AMPH: variants seen among roughly 807,000 people sequenced by gnomAD.
AMPH encodes amphiphysin (Stiff-Mann syndrome with breast cancer 128kD autoantigen).
A neutral mutation model predicts 99.1 loss-of-function variants in AMPH; 49 were observed. That is an observed-to-expected ratio of 0.49 (90% confidence interval 0.39 to 0.63). AMPH has a LOEUF of 0.63. Among genes scored for constraint, AMPH ranks in the 20% least tolerant of loss-of-function variants. The probability of loss-of-function intolerance (pLI) is 0.00; values close to 1 mark genes in which losing one functional copy is unlikely to be tolerated. For synonymous variants in AMPH, 314 were observed against 317.3 expected (o/e 0.99, Z 0.11); for missense variants, 759 against 863.4 (o/e 0.88, Z 1.52).
chr7:38,536,347 A>G (rs1562813751), intron 1 of AMPH, among the ~76,000 whole-genome samples: 2 of 152,226 alleles, frequency 1.3e-5, no homozygotes, highest in Non-Finnish European at 2.9e-5. Flanking sequence ...AGACATTTTC[A>G]TAGCTCGTAT....
chr7:38,397,851 C>A (rs2128977784), intron 17 of AMPH, among the ~76,000 whole-genome samples: 1 of 152,152 alleles, frequency 6.6e-6, no homozygotes, highest in South Asian at 2.1e-4. Context: ...GGCAAAAGAT[C>A]TGAATAGACA....
intron 20 of AMPH, among the ~76,000 whole-genome samples, chr7:38,387,048 A>C (rs1482762310): frequency 6.6e-6 from 1 of 152,232 alleles, no homozygotes; most frequent in African/African-American, 2.4e-5. Flanking sequence ...CTGACCCCCA[A>C]GCTGTGCATG....
intron 1 of AMPH, among the ~76,000 whole-genome samples, chr7:38,601,585 C>T (rs1362164561): frequency 1.3e-5 from 2 of 152,118 alleles, no homozygotes; most frequent in African/African-American, 2.4e-5. Flanking sequence ...TCAAGCCCTC[C>T]CAGTATCTAT....
chr7:38,506,075 C>T (rs976227220), intron 2 of AMPH, among the ~76,000 whole-genome samples: 2 of 152,192 alleles, frequency 1.3e-5, no homozygotes, highest in Admixed American at 6.5e-5. Flanking sequence ...TTCCTCTCCC[C>T]ATACAGAATT....
chr7:38,435,431 T>G (rs529259689), intron 12 of AMPH, among the ~76,000 whole-genome samples: 1 of 152,380 alleles, frequency 6.6e-6, no homozygotes, highest in Admixed American at 6.5e-5. Flanking sequence ...ATTCTTGTAC[T>G]AATTCATTTG....
intron 17 of AMPH, among the ~76,000 whole-genome samples, chr7:38,399,325 T>C (rs1010187236): frequency 5.9e-5 from 9 of 152,356 alleles, no homozygotes; most frequent in Middle Eastern, 3.4e-3. Flanking sequence ...TTTCTGACAC[T>C]AGTCTGATGA....
At chr7:38,457,203 T>C (rs1787268317) in intron 11 of AMPH, among the ~76,000 whole-genome samples, 3 of 151,964 alleles carry the variant, frequency 2.0e-5, no homozygotes, top group Admixed American at 2.0e-4. Flanking sequence ...AACAGAATCA[T>C]AAAACAGCAA....
At chr7:38,527,591 T>C (rs974491440) in intron 2 of AMPH, among the ~76,000 whole-genome samples, 2 of 152,196 alleles carry the variant, frequency 1.3e-5, no homozygotes, top group African/African-American at 2.4e-5. Context: ...GTGTTGATCT[T>C]ATATCTTGTG....
intron 16 of AMPH, 22 bp from the exon 17 acceptor site, chr7:38,417,972 GT>G (rs1179372793): frequency 1.7e-5 from 28 of 1,606,648 alleles, no homozygotes; most frequent in Non-Finnish European, 2.2e-5. Flanking sequence ...TGTTTTGAGG[GT>G]TAGAGGAAAA....
chr7:38,480,707 T>C (rs542857701), intron 5 of AMPH, among the ~76,000 whole-genome samples: 1 of 152,248 alleles, frequency 6.6e-6, no homozygotes, highest in East Asian at 1.9e-4. Flanking sequence ...GTGGAAACCC[T>C]TCAATTAGGT....
chr7:38,561,689 C>A (rs139255706), intron 1 of AMPH, among the ~76,000 whole-genome samples: 467 of 152,276 alleles, frequency 3.1e-3, no homozygotes, highest in Admixed American at 5.0e-3. Flanking sequence ...AAACCCTAAT[C>A]TTCAATGCCA....
intron 19 of AMPH, among the ~76,000 whole-genome samples, chr7:38,390,709 A>C (rs1422054147): frequency 6.6e-6 from 1 of 152,206 alleles, no homozygotes; most frequent in African/African-American, 2.4e-5. Context: ...GAGGGTCTAT[A>C]TGGGGTGCCT....
chr7:38,566,636 G>C (rs909100744), intron 1 of AMPH, among the ~76,000 whole-genome samples: 2 of 152,074 alleles, frequency 1.3e-5, no homozygotes, highest in Non-Finnish European at 2.9e-5. Context: ...GAAAATTTTT[G>C]CGATCTACCC....
At chr7:38,587,622 GA>G in intron 1 of AMPH, among the ~76,000 whole-genome samples, 1 of 152,262 alleles carries the variant, frequency 6.6e-6, no homozygotes, top group Non-Finnish European at 1.5e-5. Flanking sequence ...ATTCTTTGAA[GA>G]AAATATTTAA....
intron 1 of AMPH, among the ~76,000 whole-genome samples, chr7:38,542,608 T>C (rs940113802): frequency 2.6e-5 from 4 of 152,142 alleles, no homozygotes; most frequent in African/African-American, 9.7e-5. Context: ...CTGTTCCTGA[T>C]TGCTTTATAC....
Sources: allele counts gnomAD v4.1 joint callset (sites outside exome capture counted in the v4.1 genomes callset), GRCh38; gene constraint gnomAD v4.1.1; transcripts MANE v1.5; gene names NCBI Gene and HGNC (gene_info 2026-07-23, HGNC 2026-07-21).